NR6A1: variants seen among roughly 807,000 people sequenced by gnomAD.
NR6A1 encodes the protein retinoic acid receptor-related testis-associated receptor.
Under a neutral mutation model 59.1 loss-of-function variants are expected in NR6A1, and 7 were observed. The ratio of observed to expected loss-of-function variants is 0.12; its 90% CI spans 0.07 to 0.22. The LOEUF (loss-of-function observed/expected upper bound fraction) is 0.22, where lower values mean the gene tolerates loss of function less well. Ranked by LOEUF, NR6A1 falls within the 10% of genes least tolerant of loss-of-function variation. The pLI, the probability that NR6A1 is intolerant of heterozygous loss-of-function variation, is 1.00. For synonymous variants in NR6A1, 243 were observed against 236.1 expected (o/e 1.03, Z -0.27); for missense variants, 468 against 611.6 (o/e 0.77, Z 2.48).
At chr9:124,769,189 T>G (rs1281701178) in intron 1 of NR6A1, among the ~76,000 whole-genome samples, 1 of 151,226 alleles carries the variant, frequency 6.6e-6, no homozygotes, top group Non-Finnish European at 1.5e-5. Flanking sequence ...CATTCAGAAA[T>G]TAGTTGCCAA....
intron 2 of NR6A1, among the ~76,000 whole-genome samples, chr9:124,638,977 G>A (rs1236222418): frequency 3.3e-5 from 5 of 152,110 alleles, no homozygotes; most frequent in Admixed American, 3.3e-4. Flanking sequence ...GGAGCTACAA[G>A]TACATAGGTA....
At chr9:124,646,260 C>T (rs549927241) in intron 2 of NR6A1, among the ~76,000 whole-genome samples, 118 of 151,734 alleles carry the variant, frequency 7.8e-4, no homozygotes, top group Non-Finnish European at 1.2e-3. Flanking sequence ...GAGCAGAAAT[C>T]GATGAAATTA....
At chr9:124,608,950 A>G (rs944903647) in intron 2 of NR6A1, among the ~76,000 whole-genome samples, 3 of 152,126 alleles carry the variant, frequency 2.0e-5, no homozygotes, top group Non-Finnish European at 4.4e-5. Flanking sequence ...TTATTTTGAG[A>G]AGTGTCTGTT....
At position 124,522,650 on chromosome 9, in the gene NR6A1, C is replaced by G; in HGVS notation, c.*55G>C. On this transcript the variant is annotated 3_prime_UTR_variant, in exon 10 of 10. Coordinates refer to ENST00000487099, the MANE Select transcript of NR6A1 (RefSeq NM_033334.4). Reference sequence around the variant, plus strand: ...TCTCTCTGGCTTTTCCCTCCAGAGCCTGTCCTGCCCACCCAAGACGCTGTG... The same window carrying G: ...TCTCTCTGGCTTTTCCCTCCAGAGCGTGTCCTGCCCACCCAAGACGCTGTG... The G allele has an allele frequency of 7.0e-7, 1 of 1,437,368 alleles. No individual in the cohort carries two copies. Among genetic ancestry groups the G allele is most frequent in the Non-Finnish European group, 9.5e-7 (1 of 1,048,566 alleles). The allele number at this position is 1,437,368 out of a possible 1,614,324, so 89.0% of individuals were successfully genotyped here.
chr9:124,748,519 T>G (rs1044316462), intron 1 of NR6A1, among the ~76,000 whole-genome samples: 5 of 152,152 alleles, frequency 3.3e-5, no homozygotes, highest in African/African-American at 1.2e-4. Flanking sequence ...ATTTAAACAC[T>G]AATTGTGGTC....
intron 2 of NR6A1, among the ~76,000 whole-genome samples, chr9:124,597,924 C>G (rs1261117367): frequency 2.6e-5 from 4 of 152,130 alleles, no homozygotes; most frequent in Admixed American, 2.0e-4. Flanking sequence ...CTCACTGCAG[C>G]CTCCACCAGG....
chr9:124,621,342 C>T (rs1836066624), intron 2 of NR6A1, among the ~76,000 whole-genome samples: 1 of 152,108 alleles, frequency 6.6e-6, no homozygotes, highest in Non-Finnish European at 1.5e-5. Flanking sequence ...GCTTAGCATA[C>T]ATTGGGGATT....
chr9:124,557,942 C>T (rs926654019), intron 2 of NR6A1, among the ~76,000 whole-genome samples: 1 of 152,182 alleles, frequency 6.6e-6, no homozygotes, highest in Non-Finnish European at 1.5e-5. Context: ...ACTGAACACC[C>T]ACCACAACTA....
intron 2 of NR6A1, among the ~76,000 whole-genome samples, chr9:124,680,778 C>G (rs545236903): frequency 5.9e-5 from 9 of 152,310 alleles, no homozygotes. Context: ...ATATGTTTCC[C>G]AGACTCTTCC....
intron 2 of NR6A1, among the ~76,000 whole-genome samples, chr9:124,689,265 G>C (rs1257378628): frequency 6.6e-6 from 1 of 152,132 alleles, no homozygotes; most frequent in Non-Finnish European, 1.5e-5. Flanking sequence ...CAAAGAAATG[G>C]AGAGGTTAAG....
intron 7 of NR6A1, among the ~76,000 whole-genome samples, chr9:124,533,458 G>C (rs937214322): frequency 6.6e-6 from 1 of 152,130 alleles, no homozygotes; most frequent in African/African-American, 2.4e-5. Flanking sequence ...AAAACAAGTA[G>C]AGAGAGTCAG....
intron 2 of NR6A1, among the ~76,000 whole-genome samples, chr9:124,652,490 C>A (rs1445383698): frequency 6.6e-6 from 1 of 152,144 alleles, no homozygotes; most frequent in Non-Finnish European, 1.5e-5. Context: ...AGAATTAATT[C>A]AAAAACCAAT....
At chr9:124,735,097 G>A (rs1354413861) in intron 1 of NR6A1, among the ~76,000 whole-genome samples, 5 of 152,242 alleles carry the variant, frequency 3.3e-5, no homozygotes, top group African/African-American at 1.2e-4. Flanking sequence ...GACCACCTTC[G>A]CCTCCCAAAG....
At chr9:124,749,727 T>TTAAA (rs1378360578) in intron 1 of NR6A1, among the ~76,000 whole-genome samples, 1 of 152,164 alleles carries the variant, frequency 6.6e-6, no homozygotes, top group African/African-American at 2.4e-5. Flanking sequence ...CACCAGCTTG[T>TTAAA]TAAAGCACTA....
intron 2 of NR6A1, among the ~76,000 whole-genome samples, chr9:124,656,624 G>A (rs1157105201): frequency 2.0e-5 from 3 of 152,272 alleles, no homozygotes; most frequent in Admixed American, 2.0e-4. Context: ...TTGAGATCAC[G>A]AGTTCGAGAC....
intron 2 of NR6A1, among the ~76,000 whole-genome samples, chr9:124,710,868 C>A (rs1372064981): frequency 6.6e-6 from 1 of 152,128 alleles, no homozygotes; most frequent in African/African-American, 2.4e-5. Context: ...TGGTAGTTTT[C>A]AATTGCTGCT....
intron 2 of NR6A1, among the ~76,000 whole-genome samples, chr9:124,712,226 T>C (rs75663011): frequency 0.011 from 1,709 of 152,208 alleles, 30 homozygotes; most frequent in African/African-American, 0.039. Flanking sequence ...AGCCTATTAG[T>C]TGGTTTATGA....
intron 2 of NR6A1, among the ~76,000 whole-genome samples, chr9:124,686,211 A>G (rs527822583): frequency 2.8e-4 from 42 of 152,360 alleles, no homozygotes; most frequent in African/African-American, 7.9e-4. Flanking sequence ...ATAAACAAAA[A>G]TAAGTCAGAG....
At chr9:124,747,892 A>G (rs901393336) in intron 1 of NR6A1, among the ~76,000 whole-genome samples, 1 of 152,188 alleles carries the variant, frequency 6.6e-6, no homozygotes, top group Non-Finnish European at 1.5e-5. Context: ...CCTGGAATTT[A>G]ATTTCCTAAT....
Sources: allele counts gnomAD v4.1 joint callset (sites outside exome capture counted in the v4.1 genomes callset), GRCh38; gene constraint gnomAD v4.1.1; transcripts MANE v1.5; gene names NCBI Gene and HGNC (gene_info 2026-07-23, HGNC 2026-07-21).